DLGAP2: variants seen among roughly 807,000 people sequenced by gnomAD.
The protein encoded by DLGAP2 is DLG associated protein 2.
In DLGAP2, 26 loss-of-function variants were observed where a neutral mutation model predicts 100.3. That is an observed-to-expected ratio of 0.26 (90% confidence interval 0.19 to 0.36). The LOEUF is 0.36. DLGAP2 is among the 10% of genes least tolerant of loss of function. The pLI is 1.00. For synonymous variants in DLGAP2, 886 were observed against 630.1 expected, an observed-to-expected ratio of 1.41 and a Z score of -6.08; for missense variants, 1,858 against 1,453.2, an observed-to-expected ratio of 1.28 and a Z score of -4.53.
chr8:1,497,090 G>A (rs1475335556), intron 3 of DLGAP2, among the ~76,000 whole-genome samples: 1 of 152,192 alleles, frequency 6.6e-6, no homozygotes, highest in Non-Finnish European at 1.5e-5. Flanking sequence ...CTGCCAGAGG[G>A]ACCCTAAGCA....
chr8:1,370,891 G>A (rs961261355), intron 3 of DLGAP2, among the ~76,000 whole-genome samples: 16 of 152,236 alleles, frequency 1.1e-4, no homozygotes, highest in African/African-American at 3.6e-4. Flanking sequence ...AAGTTCATCT[G>A]TGTGTTAGGT....
intron 8 of DLGAP2, among the ~76,000 whole-genome samples, chr8:1,644,556 C>G (rs1007298586): frequency 6.6e-6 from 1 of 152,262 alleles, no homozygotes; most frequent in Non-Finnish European, 1.5e-5. Context: ...GAGACGCGCT[C>G]CTGATCTGAT....
chr8:892,084 G>A lies in DLGAP2; in HGVS notation c.19-15828G>A, dbSNP rs537778645. Among the ~76,000 whole-genome samples, 15 of 152,362 alleles carry A rather than the reference G, an allele frequency of 9.8e-5. No homozygotes were observed. The South Asian group carries it at 2.9e-3, about 29-fold the overall frequency. ...TGTTGGGAGGATGTGGAGGAATTGGGTCCTGGGTGTTGCTGCTGGGAATGG... is the reference window on the plus strand; with the variant it reads ...TGTTGGGAGGATGTGGAGGAATTGGATCCTGGGTGTTGCTGCTGGGAATGG... On this transcript the variant is annotated intron_variant, in intron 1 of 14. Transcript: ENST00000637795.
At chr8:1,271,485 A>G (rs1325162965) in intron 3 of DLGAP2, among the ~76,000 whole-genome samples, 1 of 152,184 alleles carries the variant, frequency 6.6e-6, no homozygotes, top group Non-Finnish European at 1.5e-5. Context: ...AAGCCCATTT[A>G]TCAGGCATTA....
At chr8:1,349,614 G>A (rs4996726) in intron 3 of DLGAP2, among the ~76,000 whole-genome samples, 14,446 of 48,952 alleles carry the variant, frequency 0.3, 1,323 homozygotes, top group East Asian at 0.47. Context: ...CCACATCCAC[G>A]CATGTCATGA....
At chr8:820,036 A>C (rs1346766860) in intron 1 of DLGAP2, among the ~76,000 whole-genome samples, 1 of 152,252 alleles carries the variant, frequency 6.6e-6, no homozygotes, top group Non-Finnish European at 1.5e-5. Context: ...GTCTACTAAG[A>C]GAAACACACT....
Position 1,591,429 on chromosome 8 carries a change from G to C in DLGAP2, c.1442+25535G>C, listed in dbSNP as rs534766454. ...ACTGCTTCTCTAAGACTGGACGTTG[G>C]ACTGGGCATTTTTCAATTCTTTTGA... is the stretch of plus-strand genomic sequence containing the variant. On this transcript the variant is annotated intron_variant, in intron 6 of 14. Coordinates refer to ENST00000637795, the MANE Select transcript of DLGAP2 (RefSeq NM_001346810.2). 4.6e-5 allele frequency among the ~76,000 whole-genome samples: 7 copies of C among 152,256 alleles called. No individual in the cohort carries two copies. The South Asian group carries it at 1.4e-3, about 32-fold the overall frequency.
chr8:772,791 G>C (rs1168525298), intron 1 of DLGAP2, among the ~76,000 whole-genome samples: 2 of 152,208 alleles, frequency 1.3e-5, no homozygotes, highest in African/African-American at 2.4e-5. Flanking sequence ...ATGGCTTCTT[G>C]TGGCATGCAT....
At chr8:1,075,461 G>C in intron 2 of DLGAP2, among the ~76,000 whole-genome samples, 1 of 152,126 alleles carries the variant, frequency 6.6e-6, no homozygotes, top group East Asian at 1.9e-4. Flanking sequence ...TGGGGTGCCT[G>C]TGTTCCAGTC....
chr8:871,266 G>A (rs1050640730), intron 1 of DLGAP2, among the ~76,000 whole-genome samples: 1 of 152,192 alleles, frequency 6.6e-6, no homozygotes, highest in African/African-American at 2.4e-5. Flanking sequence ...GTCCACACCT[G>A]AATTAATTGG....
chr8:870,871 C>A (rs1030128165), intron 1 of DLGAP2, among the ~76,000 whole-genome samples: 1 of 152,138 alleles, frequency 6.6e-6, no homozygotes, highest in Non-Finnish European at 1.5e-5. Flanking sequence ...GGACAGAACT[C>A]GGGAATCTGA....
intron 2 of DLGAP2, among the ~76,000 whole-genome samples, chr8:1,059,840 C>G (rs1022265314): frequency 6.6e-6 from 1 of 152,092 alleles, no homozygotes; most frequent in Non-Finnish European, 1.5e-5. Context: ...GCAGTGGGAC[C>G]GACCATATGG....
intron 2 of DLGAP2, among the ~76,000 whole-genome samples, chr8:1,050,987 C>CATTTA (rs1802666111): frequency 6.3e-5 from 1 of 15,980 alleles, no homozygotes. Flanking sequence ...GGGGTCATTT[C>CATTTA]GTGGGTGGGA....
At chr8:1,621,132 T>A (rs1371611409) in intron 6 of DLGAP2, 1 of 152,272 alleles carries the variant, frequency 6.6e-6, no homozygotes, top group Non-Finnish European at 1.5e-5. Context: ...GCACCCAGAC[T>A]TACGTGGGAG....
chr8:1,588,516 T>C (rs1355823117), intron 6 of DLGAP2, among the ~76,000 whole-genome samples: 7 of 152,200 alleles, frequency 4.6e-5, no homozygotes, highest in Non-Finnish European at 8.8e-5. Flanking sequence ...ATTTTTTCAT[T>C]TATTCATTCG....
At chr8:1,389,313 C>T (rs993301735) in intron 3 of DLGAP2, among the ~76,000 whole-genome samples, 29 of 133,690 alleles carry the variant, frequency 2.2e-4, no homozygotes, top group Middle Eastern at 3.4e-3. Flanking sequence ...GATGGGAAGG[C>T]GACGTGGCTT....
At chr8:1,181,563 G>A (rs1043789509) in intron 2 of DLGAP2, among the ~76,000 whole-genome samples, 1 of 151,844 alleles carries the variant, frequency 6.6e-6, no homozygotes, top group African/African-American at 2.4e-5. Flanking sequence ...GAAGGGAGAG[G>A]ATCAGGAATT....
intron 2 of DLGAP2, among the ~76,000 whole-genome samples, chr8:1,162,932 G>C (rs962452837): frequency 2.0e-5 from 3 of 152,240 alleles, no homozygotes; most frequent in Non-Finnish European, 4.4e-5. Context: ...GCTCAGCTGA[G>C]GGGGCTGCCA....
intron 6 of DLGAP2, among the ~76,000 whole-genome samples, chr8:1,572,010 C>T (rs1349298006): frequency 4.2e-4 from 46 of 110,216 alleles, no homozygotes; most frequent in Non-Finnish European, 5.1e-4. Flanking sequence ...ACTGTGGGGG[C>T]GTCTGATGAG....
Sources: gnomAD v4.1 joint callset for allele counts (sites outside exome capture counted in the v4.1 genomes callset) on GRCh38, gnomAD v4.1.1 for gene constraint, MANE v1.5 for transcripts, NCBI Gene and HGNC (gene_info 2026-07-23, HGNC 2026-07-21) for gene names.